PIK3R3: variants seen among roughly 807,000 people sequenced by gnomAD.
The protein encoded by PIK3R3 is phosphatidylinositol 3-kinase regulatory subunit gamma.
A neutral mutation model predicts 62.9 loss-of-function variants in PIK3R3; 64 were observed. The observed-to-expected ratio is 1.02, with a 90% CI of 0.83 to 1.25. The LOEUF is 1.25. Among genes scored for constraint, PIK3R3 ranks in the 50% most tolerant of loss-of-function variants. The pLI is 0.00. For missense variants in PIK3R3, 614 were observed against 561.6 expected (o/e 1.09, Z -0.94); for synonymous variants, 165 against 189.0 (o/e 0.87, Z 1.04).
At chr1:46,110,963 C>T (rs1298497575) in intron 1 of PIK3R3, among the ~76,000 whole-genome samples, 1 of 151,748 alleles carries the variant, frequency 6.6e-6, no homozygotes, top group African/African-American at 2.4e-5. Context: ...CTTCTCTTGT[C>T]CCAAGATTTT....
At chr1:46,087,260 TATA>T (rs1189561134) in intron 1 of PIK3R3, among the ~76,000 whole-genome samples, 3 of 150,282 alleles carry the variant, frequency 2.0e-5, no homozygotes, top group Non-Finnish European at 4.4e-5. Flanking sequence ...GAACTTAAAG[TATA>T]ATAATAAAAA....
At chr1:46,152,029 G>A in the PIK3R3 span, among the ~76,000 whole-genome samples, 2 of 152,300 alleles carry the variant, frequency 1.3e-5, no homozygotes, top group South Asian at 2.1e-4. Flanking sequence ...TGTTATACAG[G>A]AGACCTGATT....
chr1:46,080,081 A>G (rs1650437119), intron 2 of PIK3R3, among the ~76,000 whole-genome samples: 1 of 149,646 alleles, frequency 6.7e-6, no homozygotes, highest in East Asian at 2.0e-4. Context: ...TTTTTTTAAG[A>G]GACAGAGTCT....
chr1:46,048,903 T>C (rs538376882), intron 7 of PIK3R3, among the ~76,000 whole-genome samples: 2 of 152,224 alleles, frequency 1.3e-5, no homozygotes, highest in East Asian at 3.9e-4. Context: ...TAAAAACCAT[T>C]TTCAAAAACC....
chr1:46,152,522 TC>T, the PIK3R3 span, among the ~76,000 whole-genome samples: 2 of 151,882 alleles, frequency 1.3e-5, no homozygotes. Context: ...ACAACTCCAT[TC>T]CCTGGTATCT....
chr1:46,112,030 CTTAT>C (rs1348038236), intron 1 of PIK3R3, among the ~76,000 whole-genome samples: 1 of 152,076 alleles, frequency 6.6e-6, no homozygotes, highest in Non-Finnish European at 1.5e-5. Context: ...ATATTCACTT[CTTAT>C]TTATTGTCAC....
rs1334565419 is a variant in PIK3R3, at chr1:46,115,252, C to T, written c.106+16595G>A. Among the ~76,000 whole-genome samples the T allele has an allele frequency of 2.0e-5, 3 of 152,208 alleles. No individual in the cohort carries two copies. In the East Asian group the frequency reaches 5.8e-4, roughly 29 times the overall value. The stretch of plus-strand genomic sequence containing the variant: ...TCAAACCATGCCAGGGGCCCTCACT[C>T]CCTTTGGTCTTTTCAATTACATAAG... On this transcript the variant is annotated intron_variant, in intron 1 of 9. Coordinates refer to ENST00000262741, the MANE Select transcript of PIK3R3 (RefSeq NM_003629.4).
chr1:46,134,285 G>A (rs906502478), upstream of PIK3R3, among the ~76,000 whole-genome samples: 2 of 152,188 alleles, frequency 1.3e-5, no homozygotes, highest in Non-Finnish European at 2.9e-5. Flanking sequence ...TACCTCCTAA[G>A]GTGGTTCTGC....
intron 1 of PIK3R3, among the ~76,000 whole-genome samples, chr1:46,083,984 T>G (rs1394157787): frequency 1.3e-5 from 2 of 152,218 alleles, no homozygotes; most frequent in African/African-American, 2.4e-5. Context: ...CATAGTAGCT[T>G]TATTTATAAT....
upstream of PIK3R3, chr1:46,133,065 C>G: frequency 2.0e-6 from 2 of 1,009,772 alleles, no homozygotes; most frequent in Non-Finnish European, 2.4e-6. Context: ...CGTCTTTTGT[C>G]TGCCTTGCTC....
the PIK3R3 span, among the ~76,000 whole-genome samples, chr1:46,153,727 CAG>C: frequency 1.7e-4 from 26 of 152,236 alleles, no homozygotes; most frequent in Non-Finnish European, 3.1e-4. Context: ...TCACTTCTCA[CAG>C]AGAGTGTACT....
rs558187446 is a variant in PIK3R3 at position 46,121,173 on chromosome 1, T to G, written c.106+10674A>C. Among the ~76,000 whole-genome samples the G allele has an allele frequency of 7.2e-5, 11 of 152,358 alleles. No individual in the cohort carries two copies. In the South Asian group the frequency reaches 2.3e-3, roughly 32 times the overall value. ...AAAATTTATTATTTTTAAAGCCATT[T>G]TGAATTAGTTCTGTTGCTTGCAGCT... On this transcript the variant is annotated intron_variant, in intron 1 of 9. Coordinates refer to ENST00000262741, the MANE Select transcript of PIK3R3 (RefSeq NM_003629.4).
At chr1:46,154,303 C>T in the PIK3R3 span, among the ~76,000 whole-genome samples, 1 of 152,154 alleles carries the variant, frequency 6.6e-6, no homozygotes, top group Admixed American at 6.5e-5. Flanking sequence ...CATGGTGGTG[C>T]ACGCCTGTAA....
intron 1 of PIK3R3, among the ~76,000 whole-genome samples, chr1:46,088,456 A>G (rs114570889): frequency 6.6e-6 from 1 of 152,236 alleles, no homozygotes; most frequent in African/African-American, 2.4e-5. Flanking sequence ...AAAAGGAAAG[A>G]CTGCATCTAT....
chr1:46,125,856 G>A (rs906947613), intron 1 of PIK3R3, among the ~76,000 whole-genome samples: 2 of 151,886 alleles, frequency 1.3e-5, no homozygotes, highest in Admixed American at 1.3e-4. Context: ...CGCCTCCCGG[G>A]TTCATGCCAT....
chr1:46,056,625 T>C (rs1342369096), intron 6 of PIK3R3: 1 of 152,208 alleles, frequency 6.6e-6, no homozygotes, highest in African/African-American at 2.4e-5. Context: ...TAGAACTGTA[T>C]TGTTAAAATA....
At chr1:46,158,932 A>G in the PIK3R3 span, among the ~76,000 whole-genome samples, 1 of 152,012 alleles carries the variant, frequency 6.6e-6, no homozygotes, top group African/African-American at 2.4e-5. Flanking sequence ...CTAAAAATAC[A>G]AAAAATTAGC....
In PIK3R3 at chr1:46,042,992, A is replaced by G. The variant is rs570278917; in HGVS notation, c.*681T>C. The stretch of plus-strand genomic sequence containing the variant: ...TGAGTGCCACGTTTTCCCATCAAAC[A>G]TTGGTCTGGCAACAAACTGTTTTGT... On this transcript the variant is annotated 3_prime_UTR_variant, in exon 10 of 10. Coordinates refer to ENST00000262741, the MANE Select transcript of PIK3R3 (RefSeq NM_003629.4). The surrounding 1 kb of genome is among the most constrained non-coding windows in gnomAD (Gnocchi z 4.3). The G allele has an allele frequency of 1.0e-4, 22 of 220,466 alleles. No homozygotes were observed. The Admixed American group carries it at 1.2e-3, about 12-fold the overall frequency. 13.7% of individuals were successfully genotyped at this position (220,466 alleles called of 1,614,324 possible).
chr1:46,130,571 A>G (rs1047600987), intron 1 of PIK3R3, among the ~76,000 whole-genome samples: 2 of 152,270 alleles, frequency 1.3e-5, no homozygotes, highest in African/African-American at 4.8e-5. Context: ...ATTGAAAAAA[A>G]AAACAGGATA....
Sources: gnomAD v4.1 joint callset for allele counts (sites outside exome capture counted in the v4.1 genomes callset) on GRCh38, gnomAD v4.1.1 for gene constraint, Gnocchi (gnomAD v3.1) non-coding constraint, MANE v1.5 for transcripts, NCBI Gene and HGNC (gene_info 2026-07-23, HGNC 2026-07-21) for gene names.